The following SEMA3F variants were observed in gnomAD, a reference collection of about 807,000 sequenced individuals.
SEMA3F encodes semaphorin-3F.
In SEMA3F, 30 loss-of-function variants were observed where a neutral mutation model predicts 98.5. That is an observed-to-expected ratio of 0.30 (90% CI 0.23 to 0.41). SEMA3F has a LOEUF of 0.41. Ranked by LOEUF, SEMA3F falls within the 10% of genes least tolerant of loss-of-function variation. The pLI is 1.00. For missense variants in SEMA3F, 866 were observed against 1,119.3 expected (o/e 0.77, Z 3.23); for synonymous variants, 380 against 444.8 (o/e 0.85, Z 1.83).
chr3:50,179,854 GA>G (rs1231853553), intron 7 of SEMA3F, among the ~76,000 whole-genome samples: 4 of 152,184 alleles, frequency 2.6e-5, no homozygotes, highest in Non-Finnish European at 5.9e-5. Context: ...AGCCTTCATA[GA>G]ATTGAAGACA....
rs1002881928 is a variant in SEMA3F, at chr3:50,158,652, C to G, written c.-48-923C>G. 6.6e-6 allele frequency among the ~76,000 whole-genome samples: 1 copy of G among 152,192 alleles called. No homozygotes were observed. The highest frequency in any genetic ancestry group is 6.5e-5 in the Admixed American group (1 of 15,284). On this transcript the variant is annotated intron_variant, in intron 1 of 18. Transcript: ENST00000002829. The surrounding 1 kb of genome is among the most constrained non-coding windows in gnomAD (Gnocchi z 4.8). ...CATTTTCAGTCTCGATGCCCCCACC[C>G]GCAGTGCATCCGGTTGGGGGTGGTG...
At chr3:50,186,846 C>A in intron 18 of SEMA3F, 100 bp downstream of exon 18, 1 of 1,256,826 alleles carries the variant, frequency 8.0e-7, no homozygotes, top group Non-Finnish European at 1.1e-6. Flanking sequence ...TGCTGTGAAA[C>A]CCCTTCCAAG....
intron 1 of SEMA3F, among the ~76,000 whole-genome samples, chr3:50,157,270 T>TC (rs1698022981): frequency 6.6e-6 from 1 of 152,008 alleles, no homozygotes; most frequent in African/African-American, 2.4e-5. Flanking sequence ...GGCCGCCTCT[T>TC]CCCTGCACCC....
intron 2 of SEMA3F, among the ~76,000 whole-genome samples, chr3:50,171,113 C>T (rs529381094): frequency 7.9e-5 from 12 of 152,256 alleles, no homozygotes; most frequent in African/African-American, 2.4e-4. Context: ...TTGTGCACAG[C>T]GGGTGTTCGA....
chr3:50,157,548 G>C (rs1698035250), intron 1 of SEMA3F, among the ~76,000 whole-genome samples: 1 of 152,096 alleles, frequency 6.6e-6, no homozygotes, highest in East Asian at 1.9e-4. Flanking sequence ...TGGCAGAGGG[G>C]AAGGCACTGT....
At chr3:50,159,920 C>G (rs902083293) in intron 2 of SEMA3F, among the ~76,000 whole-genome samples, 186 bp downstream of exon 2, 3 of 152,152 alleles carry the variant, frequency 2.0e-5, no homozygotes, top group African/African-American at 7.2e-5. Flanking sequence ...AGAACTGACC[C>G]ATTTAGACAC....
chr3:50,183,927 T>C (rs1699113364), intron 12 of SEMA3F, among the ~76,000 whole-genome samples: 1 of 152,078 alleles, frequency 6.6e-6, no homozygotes, highest in Admixed American at 6.6e-5. Context: ...GGGCCAGGCC[T>C]CAGGCAGGGT....
chr3:50,182,885 C>A lies in SEMA3F; in HGVS notation c.904-19C>A. Reference sequence around the variant, plus strand: ...GGGTCAAGAGCTGATCTGACCCGGCCTCTTGCCCCACCCCCCAGAACGATG... The same window carrying A: ...GGGTCAAGAGCTGATCTGACCCGGCATCTTGCCCCACCCCCCAGAACGATG... On this transcript the variant is annotated intron_variant, in intron 9 of 18. Transcript: ENST00000002829. This position sits in a 1 kb window ranked among gnomAD's most constrained non-coding sequence, Gnocchi z 4.5. 2 of 1,612,758 alleles carry A rather than the reference C, an allele frequency of 1.2e-6. No individual in the cohort carries two copies. Among genetic ancestry groups the A allele is most frequent in the South Asian group, 2.2e-5 (2 of 91,028 alleles).
At position 50,159,742 on chromosome 3, in the gene SEMA3F, G is replaced by A. The variant is rs1209058609; in HGVS notation, c.112+8G>A. The A allele has an allele frequency of 6.4e-7, 1 of 1,572,364 alleles. No individual in the cohort carries two copies. The highest frequency in any genetic ancestry group is 1.1e-5 in the South Asian group (1 of 90,002). On this transcript the variant is annotated splice_region_variant and intron_variant, in intron 2 of 18. Coordinates refer to ENST00000002829, the MANE Select transcript of SEMA3F (RefSeq NM_004186.5). ...TCCGGCTCTCATTCAAAGGTAAGAA[G>A]CTGTTTTGTTCTTCCCCAGAAATCA...
chr3:50,188,424 G>A lies in SEMA3F; in HGVS notation c.*309G>A, dbSNP rs550405002. On this transcript the variant is annotated 3_prime_UTR_variant, in exon 19 of 19. Coordinates refer to ENST00000002829, the MANE Select transcript of SEMA3F (RefSeq NM_004186.5). The surrounding 1 kb of genome is among the most constrained non-coding windows in gnomAD (Gnocchi z 4.5). ...GAAGTCTACCTGCTGGACAGCCTCC[G>A]CCAAGATCTACAGGACAAAGGGAGG... is the stretch of plus-strand genomic sequence containing the variant. The A allele has an allele frequency of 3.3e-4, 50 of 153,466 alleles. 1 individual carries two copies. Among genetic ancestry groups the A allele is most frequent in the African/African-American group, 1.1e-3 (45 of 41,556 alleles). The allele number at this position is 153,466 out of a possible 1,614,324, so 9.5% of individuals were successfully genotyped here.
intron 2 of SEMA3F, among the ~76,000 whole-genome samples, chr3:50,167,364 C>T (rs1422635562): frequency 1.3e-5 from 2 of 152,168 alleles, no homozygotes; most frequent in East Asian, 1.9e-4. Context: ...GGGTGTCCTT[C>T]GGGGATGAGG....
rs888314858 is a variant in SEMA3F, at chr3:50,158,275, T to C, written c.-48-1300T>C. On this transcript the variant is annotated intron_variant, in intron 1 of 18. Coordinates refer to ENST00000002829, the MANE Select transcript of SEMA3F (RefSeq NM_004186.5). This position sits in a 1 kb window ranked among gnomAD's most constrained non-coding sequence, Gnocchi z 4.8. The stretch of plus-strand genomic sequence containing the variant: ...TATGACAGGGGATCTGGAAGGACCA[T>C]GAGCGGTGTGCCAGGCCCTCGGGAG... 2.0e-5 allele frequency among the ~76,000 whole-genome samples: 3 copies of C among 152,224 alleles called. No individual in the cohort carries two copies. Among genetic ancestry groups the C allele is most frequent in the Admixed American group, 6.5e-5 (1 of 15,286 alleles).
intron 2 of SEMA3F, among the ~76,000 whole-genome samples, chr3:50,163,371 G>A (rs1220160419): frequency 2.0e-5 from 3 of 152,220 alleles, no homozygotes; most frequent in African/African-American, 7.2e-5. Context: ...TGTCAGAGAT[G>A]GGAACATCAG....
At chr3:50,160,624 G>A (rs1161347146) in intron 2 of SEMA3F, among the ~76,000 whole-genome samples, 1 of 152,210 alleles carries the variant, frequency 6.6e-6, no homozygotes, top group Non-Finnish European at 1.5e-5. Context: ...CTCAGCCTTG[G>A]CCCTCCTCTG....
In SEMA3F at chr3:50,182,169, T is replaced by A; in HGVS notation, c.644-115T>A. The A allele has an allele frequency of 7.5e-7, 1 of 1,331,330 alleles. No homozygotes were observed. The highest frequency in any genetic ancestry group is 1.1e-6 in the Non-Finnish European group (1 of 942,216). 82.5% of individuals were successfully genotyped at this position (1,331,330 alleles called of 1,614,324 possible). A position where few individuals can be genotyped will look rare whatever the true frequency, so the allele number is the denominator to read the frequency against. ...GACCAGCACTCCACTGGAGATAGGA[T>A]CATGCCCCAGGGAGCCTGAGCGGGG... On this transcript the variant is annotated intron_variant, in intron 7 of 18. Coordinates refer to ENST00000002829, the MANE Select transcript of SEMA3F (RefSeq NM_004186.5). The surrounding 1 kb of genome is among the most constrained non-coding windows in gnomAD (Gnocchi z 4.5).
At chr3:50,175,264 GC>G in intron 6 of SEMA3F, 76 bp downstream of exon 6, 1 of 1,050,756 alleles carries the variant, frequency 9.5e-7, no homozygotes, top group Non-Finnish European at 1.4e-6. Context: ...TGCACCTGAG[GC>G]CAGCCTCCCC....
intron 1 of SEMA3F, among the ~76,000 whole-genome samples, chr3:50,157,473 AC>A (rs964169124): frequency 1.3e-5 from 2 of 151,314 alleles, no homozygotes; most frequent in Non-Finnish European, 2.9e-5. Flanking sequence ...CTGTCCACTG[AC>A]CTGGGCTTGG....
At chr3:50,178,829 C>CT (rs1226887922) in intron 7 of SEMA3F, among the ~76,000 whole-genome samples, 2,546 of 75,184 alleles carry the variant, frequency 0.034, 129 homozygotes, top group Middle Eastern at 0.11. Context: ...AATTCTTTTT[C>CT]TTTTTTTTTT....
intron 2 of SEMA3F, among the ~76,000 whole-genome samples, chr3:50,168,904 C>T (rs1270960661): frequency 6.6e-6 from 1 of 152,300 alleles, no homozygotes; most frequent in East Asian, 1.9e-4. Context: ...TGGTGCCTCC[C>T]CTTGTCCCCC....
Sources: allele counts gnomAD v4.1 joint callset (sites outside exome capture counted in the v4.1 genomes callset), GRCh38; gene constraint gnomAD v4.1.1; non-coding constraint Gnocchi (gnomAD v3.1); transcripts MANE v1.5; gene names NCBI Gene and HGNC (gene_info 2026-07-23, HGNC 2026-07-21).